The following AGMO variants were observed in gnomAD, a reference collection of about 807,000 sequenced individuals.
The protein encoded by AGMO is alkylglycerol monooxygenase, also known as glyceryl-ether monooxygenase.
A neutral mutation model predicts 60.2 loss-of-function variants in AGMO; 75 were observed. That is an observed-to-expected ratio of 1.25 (90% CI 1.03 to 1.51). The LOEUF (loss-of-function observed/expected upper bound fraction) is 1.51. AGMO is among the 40% of genes most tolerant of loss of function. The probability of loss-of-function intolerance (pLI) is 0.00; values close to 1 mark genes in which losing one functional copy is unlikely to be tolerated. For missense variants in AGMO, 763 were observed against 525.5 expected (o/e 1.45, Z -4.42); for synonymous variants, 261 against 177.1 (o/e 1.47, Z -3.76).
chr7:15,448,806 T>G (rs1781779242), intron 3 of AGMO, among the ~76,000 whole-genome samples: 1 of 152,138 alleles, frequency 6.6e-6, no homozygotes, highest in Admixed American at 6.6e-5. Flanking sequence ...GGTTTGAAGG[T>G]GAGAGATAAA....
chr7:15,203,909 CTAGT>C (rs1181732979), intron 12 of AGMO, among the ~76,000 whole-genome samples: 1 of 152,062 alleles, frequency 6.6e-6, no homozygotes, highest in Non-Finnish European at 1.5e-5. Context: ...CTAGATTTTC[CTAGT>C]TATTTTTCTT....
chr7:15,492,650 G>T (rs1481434386), intron 3 of AGMO, among the ~76,000 whole-genome samples: 1 of 151,812 alleles, frequency 6.6e-6, no homozygotes, highest in East Asian at 1.9e-4. Context: ...AGGTCATAAG[G>T]TCAGTGAAGA....
At chr7:15,300,248 G>T (rs1379425703) in intron 12 of AGMO, among the ~76,000 whole-genome samples, 1 of 151,196 alleles carries the variant, frequency 6.6e-6, no homozygotes, top group African/African-American at 2.5e-5. Flanking sequence ...GAAGTGCTGA[G>T]TATGTTTAGT....
chr7:15,275,123 G>A (rs1451959272), intron 12 of AGMO, among the ~76,000 whole-genome samples: 1 of 151,818 alleles, frequency 6.6e-6, no homozygotes, highest in Admixed American at 6.6e-5. Flanking sequence ...CACAGTTTCT[G>A]GAGGTGCAAA....
chr7:15,364,551 G>A (rs765082801), intron 12 of AGMO, among the ~76,000 whole-genome samples: 10 of 151,822 alleles, frequency 6.6e-5, no homozygotes, highest in Non-Finnish European at 1.2e-4. Flanking sequence ...CTAATCTTAC[G>A]TCATGACAAA....
chr7:15,560,875 A>T (rs1278979018), intron 1 of AGMO, among the ~76,000 whole-genome samples: 3 of 152,204 alleles, frequency 2.0e-5, no homozygotes, highest in African/African-American at 7.2e-5. Flanking sequence ...GTGATGGAGC[A>T]TTGAATTTGG....
chr7:15,492,257 TG>T (rs940054904), intron 3 of AGMO, among the ~76,000 whole-genome samples: 1 of 151,942 alleles, frequency 6.6e-6, no homozygotes, highest in African/African-American at 2.4e-5. Flanking sequence ...ATCCAGAGTT[TG>T]TAGTTCCTTC....
chr7:15,262,014 T>C (rs1563059333), intron 12 of AGMO, among the ~76,000 whole-genome samples: 1 of 152,060 alleles, frequency 6.6e-6, no homozygotes, highest in Non-Finnish European at 1.5e-5. Context: ...AAAAGCCATC[T>C]ACAACAAACC....
chr7:15,303,274 C>T (rs1489054772), intron 12 of AGMO, among the ~76,000 whole-genome samples: 1 of 151,986 alleles, frequency 6.6e-6, no homozygotes, highest in Non-Finnish European at 1.5e-5. Flanking sequence ...TATCTATCCC[C>T]TAAATTTTAA....
At chr7:15,150,455 C>G in the AGMO span, among the ~76,000 whole-genome samples, 1 of 151,894 alleles carries the variant, frequency 6.6e-6, no homozygotes, top group Non-Finnish European at 1.5e-5. Flanking sequence ...ATAGATGGCT[C>G]TTATTATTTT....
At chr7:15,502,535 A>G (rs1471364429) in intron 3 of AGMO, among the ~76,000 whole-genome samples, 1 of 151,888 alleles carries the variant, frequency 6.6e-6, no homozygotes, top group Non-Finnish European at 1.5e-5. Flanking sequence ...TAGCATTTGT[A>G]TCCTGTGTTG....
At chr7:15,288,109 C>T (rs79302417) in intron 12 of AGMO, among the ~76,000 whole-genome samples, 5 of 151,896 alleles carry the variant, frequency 3.3e-5, no homozygotes, top group Non-Finnish European at 4.4e-5. Flanking sequence ...CCGCAAGCTC[C>T]GCCTCCCGGG....
At chr7:15,239,652 C>T (rs997204281) in intron 12 of AGMO, among the ~76,000 whole-genome samples, 31 of 152,010 alleles carry the variant, frequency 2.0e-4, no homozygotes, top group African/African-American at 7.2e-4. Context: ...GAGTTTAAAG[C>T]CCCATTTATG....
At chr7:15,181,119 TACAAAG>T in the AGMO span, among the ~76,000 whole-genome samples, 1 of 152,178 alleles carries the variant, frequency 6.6e-6, no homozygotes, top group Non-Finnish European at 1.5e-5. Context: ...TTAATATTGT[TACAAAG>T]ACAATTAAAT....
chr7:15,163,702 T>C, the AGMO span, among the ~76,000 whole-genome samples: 2 of 151,798 alleles, frequency 1.3e-5, no homozygotes, highest in African/African-American at 2.4e-5. Context: ...CTTTTTCTTA[T>C]ATGTTGGATT....
chr7:15,349,593 G>A (rs1269990462), intron 12 of AGMO, among the ~76,000 whole-genome samples: 1 of 151,978 alleles, frequency 6.6e-6, no homozygotes, highest in East Asian at 1.9e-4. Context: ...TCTTCTCAGT[G>A]AATTAATATA....
At chr7:15,441,825 GA>G (rs1226719275) in intron 3 of AGMO, among the ~76,000 whole-genome samples, 1 of 152,024 alleles carries the variant, frequency 6.6e-6, no homozygotes, top group African/African-American at 2.4e-5. Flanking sequence ...GGAAAATAGA[GA>G]AAAAAAGAGC....
At chr7:15,386,604 T>C (rs1783925834) in intron 9 of AGMO, among the ~76,000 whole-genome samples, 1 of 152,194 alleles carries the variant, frequency 6.6e-6, no homozygotes, top group Non-Finnish European at 1.5e-5. Flanking sequence ...ATGTCATTAT[T>C]TAGATCAGGA....
intron 12 of AGMO, among the ~76,000 whole-genome samples, chr7:15,233,242 A>G (rs541349508): frequency 5.1e-4 from 78 of 152,352 alleles, no homozygotes; most frequent in Non-Finnish European, 8.1e-4. Flanking sequence ...AGATTTATGA[A>G]AAGCATGTTA....
Sources: allele counts gnomAD v4.1 joint callset (sites outside exome capture counted in the v4.1 genomes callset), GRCh38; gene constraint gnomAD v4.1.1; transcripts MANE v1.5; gene names NCBI Gene and HGNC (gene_info 2026-07-23, HGNC 2026-07-21).